The following TTC39C variants were observed in gnomAD, a reference collection of about 807,000 sequenced individuals.
TTC39C encodes the protein tetratricopeptide repeat protein 39C.
TTC39C carries 33 observed loss-of-function variants against 76.3 expected under a neutral mutation model. The observed-to-expected ratio is 0.43, with a 90% CI of 0.33 to 0.58. The LOEUF is 0.58. Ranked by LOEUF, TTC39C falls within the 20% of genes least tolerant of loss-of-function variation. TTC39C has a pLI of 0.04. For synonymous variants in TTC39C, 254 were observed against 260.6 expected (o/e 0.97, Z 0.24); for missense variants, 595 against 701.4 (o/e 0.85, Z 1.71).
At chr18:24,083,224 C>A in intron 6 of TTC39C, 143 bp downstream of exon 6, 1 of 835,152 alleles carries the variant, frequency 1.2e-6, no homozygotes, top group Non-Finnish European at 1.7e-6. Context: ...TGTGTCTTTG[C>A]TAGGGAAGAC....
At chr18:24,125,070 T>C (rs1017027854) in intron 9 of TTC39C, among the ~76,000 whole-genome samples, 1 of 152,176 alleles carries the variant, frequency 6.6e-6, no homozygotes, top group African/African-American at 2.4e-5. Flanking sequence ...TTTTGTATTT[T>C]TAGTAGAGAC....
intron 1 of TTC39C, among the ~76,000 whole-genome samples, chr18:24,063,861 A>G (rs1434899796): frequency 1.3e-5 from 2 of 152,178 alleles, no homozygotes; most frequent in Non-Finnish European, 2.9e-5. Flanking sequence ...TAACAGCCAC[A>G]GTTACAAAGT....
intron 1 of TTC39C, among the ~76,000 whole-genome samples, chr18:24,020,515 G>T (rs1173562062): frequency 6.6e-6 from 1 of 152,338 alleles, no homozygotes; most frequent in Non-Finnish European, 1.5e-5. Context: ...ATGGGGGATT[G>T]GTTCCAGGAC....
intron 6 of TTC39C, among the ~76,000 whole-genome samples, chr18:24,109,005 AG>A (rs2084778715): frequency 6.6e-6 from 1 of 152,070 alleles, no homozygotes; most frequent in Non-Finnish European, 1.5e-5. Flanking sequence ...TTTAAAGACA[AG>A]GTACCTTTCC....
chr18:24,036,561 G>A (rs72877892), intron 1 of TTC39C, among the ~76,000 whole-genome samples: 3,120 of 152,244 alleles, frequency 0.02, 67 homozygotes, highest in East Asian at 0.096. Flanking sequence ...TGTTGATTTC[G>A]TATCTTGCAA....
intron 1 of TTC39C, among the ~76,000 whole-genome samples, chr18:24,046,429 A>G (rs1447299773): frequency 5.3e-5 from 8 of 151,856 alleles, no homozygotes; most frequent in Admixed American, 5.2e-4. Context: ...CACATGAGGA[A>G]ATGCAAGTTG....
chr18:24,122,224 C>T (rs546133010), intron 8 of TTC39C, among the ~76,000 whole-genome samples: 7 of 152,018 alleles, frequency 4.6e-5, no homozygotes, highest in African/African-American at 9.6e-5. Flanking sequence ...GCTCAGGTAA[C>T]GAAGGGGGAA....
chr18:24,080,743 G>C lies in TTC39C; in HGVS notation c.619G>C (p.Val207Leu). 6.2e-7 allele frequency: 1 copy of C among 1,614,164 alleles called. No individual in the cohort carries two copies. The highest frequency in any genetic ancestry group is 2.2e-5 in the East Asian group (1 of 44,878). The change falls in exon 5 of 14, where the codon GTG (valine) becomes CTG (leucine). Residue 207 changes from valine to leucine, a missense_variant. Coordinates refer to ENST00000317571, the MANE Select transcript of TTC39C (RefSeq NM_001135993.2). ...ANDNHIVAEG[V>L]SEESLNRLKG... ...TGATAATCACATTGTGGCTGAAGGG[G>C]TGTCTGAGGAGTCTCTGAACAGACT...
At chr18:24,113,428 C>G (rs1011655226) in intron 6 of TTC39C, 2 of 605,974 alleles carry the variant, frequency 3.3e-6, no homozygotes, top group African/African-American at 1.9e-5. Context: ...CCTCCAGGAC[C>G]CTTCCAGCCC....
chr18:24,033,687 T>C (rs2083700531), intron 1 of TTC39C, among the ~76,000 whole-genome samples: 1 of 152,188 alleles, frequency 6.6e-6, no homozygotes. Flanking sequence ...GTTACTACTG[T>C]GTATGAGCTT....
intron 6 of TTC39C, among the ~76,000 whole-genome samples, chr18:24,085,477 G>A (rs147821005): frequency 2.3e-4 from 35 of 152,240 alleles, no homozygotes; most frequent in African/African-American, 8.4e-4. Context: ...ACTTTGACAT[G>A]GTTTTAGTTT....
chr18:24,045,899 A>ATATATATATATGTATATGTATATG (rs1555769930), intron 1 of TTC39C, among the ~76,000 whole-genome samples: 19 of 38,762 alleles, frequency 4.9e-4, no homozygotes, highest in Non-Finnish European at 6.3e-4. Flanking sequence ...GAAAATATAT[A>ATATATATATATGTATATGTATATG]TATATATATA....
At chr18:24,094,608 T>A (rs1243285502) in intron 6 of TTC39C, among the ~76,000 whole-genome samples, 1 of 152,260 alleles carries the variant, frequency 6.6e-6, no homozygotes, top group African/African-American at 2.4e-5. Flanking sequence ...TTAACAGACA[T>A]GAAAACAACA....
At chr18:24,066,875 CCT>C (rs2084172446) in intron 3 of TTC39C, among the ~76,000 whole-genome samples, 2 of 152,182 alleles carry the variant, frequency 1.3e-5, no homozygotes. Context: ...TTCCTAGCTT[CCT>C]CTCTCTCCAG....
intron 6 of TTC39C, among the ~76,000 whole-genome samples, chr18:24,111,044 G>A (rs535411684): frequency 3.3e-5 from 5 of 151,248 alleles, no homozygotes; most frequent in African/African-American, 1.2e-4. Flanking sequence ...AGGCTAGAGT[G>A]CAGTGGCACG....
chr18:24,109,559 G>T (rs1251588550), intron 6 of TTC39C, among the ~76,000 whole-genome samples: 1 of 152,106 alleles, frequency 6.6e-6, no homozygotes, highest in African/African-American at 2.4e-5. Context: ...CAGTTGAAAC[G>T]CATGGCTTTA....
At chr18:24,098,652 A>G (rs1240325590) in intron 6 of TTC39C, among the ~76,000 whole-genome samples, 1 of 146,110 alleles carries the variant, frequency 6.8e-6, no homozygotes, top group East Asian at 2.0e-4. Flanking sequence ...ATCTCTTTTT[A>G]GATGGAGTCT....
At chr18:24,081,052 G>C in intron 5 of TTC39C, 113 bp downstream of exon 5, 2 of 973,320 alleles carry the variant, frequency 2.1e-6, no homozygotes, top group Non-Finnish European at 3.0e-6. Context: ...GGTTGACAGG[G>C]TGCTGTGTCT....
intron 6 of TTC39C, chr18:24,113,971 T>G (rs2084854502): frequency 2.4e-6 from 1 of 411,046 alleles, no homozygotes; most frequent in Non-Finnish European, 4.5e-6. Context: ...GAGAACAGCA[T>G]TCTAGGGTAT....
Sources: allele counts gnomAD v4.1 joint callset (sites outside exome capture counted in the v4.1 genomes callset), GRCh38; gene constraint gnomAD v4.1.1; transcripts MANE v1.5; gene names NCBI Gene and HGNC (gene_info 2026-07-23, HGNC 2026-07-21).